The following TMEM117 variants were observed in gnomAD, a reference collection of about 807,000 sequenced individuals.
The protein encoded by TMEM117 is transmembrane protein 117.
TMEM117 carries 27 observed loss-of-function variants against 52.4 expected under a neutral mutation model. The ratio of observed to expected loss-of-function variants is 0.51; its 90% confidence interval spans 0.38 to 0.71. The LOEUF (loss-of-function observed/expected upper bound fraction) is 0.71. TMEM117 is among the 30% of genes least tolerant of loss of function. The pLI is 0.00. For synonymous variants in TMEM117, 215 were observed against 206.3 expected, an observed-to-expected ratio of 1.04 and a Z score of -0.36; for missense variants, 556 against 630.5, an observed-to-expected ratio of 0.88 and a Z score of 1.26.
chr12:43,936,283 C>A (rs1944951180), intron 2 of TMEM117, among the ~76,000 whole-genome samples: 1 of 151,976 alleles, frequency 6.6e-6, no homozygotes, highest in Admixed American at 6.6e-5. Flanking sequence ...AATGATAGGA[C>A]AATTGATTGA....
intron 3 of TMEM117, among the ~76,000 whole-genome samples, chr12:44,103,015 C>A (rs1254137930): frequency 1.3e-5 from 2 of 151,992 alleles, no homozygotes; most frequent in African/African-American, 2.4e-5. Flanking sequence ...GAGGCCTCCC[C>A]AGCCATGCTG....
rs565005687 is a variant in TMEM117 at position 44,360,833 on chromosome 12, A to G, written c.769-15762A>G. Among the ~76,000 whole-genome samples, 18 of 152,284 alleles carry G rather than the reference A, an allele frequency of 1.2e-4. 1 individual carries two copies. The South Asian group carries it at 3.7e-3, about 32-fold the overall frequency. On this transcript the variant is annotated intron_variant, in intron 6 of 7. Coordinates refer to ENST00000266534, the MANE Select transcript of TMEM117 (RefSeq NM_032256.3). ...AATATTCTTGCTGATCTGAAGTCAC[A>G]TACCCCTTTTTATCTATTGTATGGT...
chr12:44,047,449 T>A (rs1946897554), intron 3 of TMEM117, among the ~76,000 whole-genome samples: 1 of 152,158 alleles, frequency 6.6e-6, no homozygotes, highest in South Asian at 2.1e-4. Context: ...TGGCTTGGAT[T>A]TTTTTGACCA....
intron 2 of TMEM117, among the ~76,000 whole-genome samples, chr12:43,891,367 ATTTTTTT>A (rs772754829): frequency 1.6e-4 from 9 of 57,796 alleles, no homozygotes; most frequent in South Asian, 1.9e-3. Flanking sequence ...TACCTCTTGA[ATTTTTTT>A]TTTTTTTTTT....
At chr12:44,076,344 G>C (rs1373182488) in intron 3 of TMEM117, among the ~76,000 whole-genome samples, 1 of 152,098 alleles carries the variant, frequency 6.6e-6, no homozygotes. Context: ...ATTAATTAAT[G>C]ACAGGAAGAA....
chr12:43,911,881 A>G (rs1944508839), intron 2 of TMEM117, among the ~76,000 whole-genome samples: 1 of 150,146 alleles, frequency 6.7e-6, no homozygotes, highest in Non-Finnish European at 1.5e-5. Context: ...AAATAGGAAC[A>G]CTTTTACACT....
intron 1 of TMEM117, among the ~76,000 whole-genome samples, chr12:43,839,760 T>TG (rs1392579115): frequency 6.6e-6 from 1 of 152,206 alleles, no homozygotes; most frequent in Non-Finnish European, 1.5e-5. Flanking sequence ...GGCCAGTGCC[T>TG]GGCAAAAAAT....
At chr12:44,021,752 T>C (rs1005588938) in intron 3 of TMEM117, among the ~76,000 whole-genome samples, 2 of 152,200 alleles carry the variant, frequency 1.3e-5, no homozygotes, top group African/African-American at 4.8e-5. Flanking sequence ...AACATAGGCA[T>C]GTAAGCCACC....
At chr12:44,334,357 C>G (rs1358048878) in intron 6 of TMEM117, among the ~76,000 whole-genome samples, 6 of 151,906 alleles carry the variant, frequency 3.9e-5, no homozygotes, top group African/African-American at 1.5e-4. Flanking sequence ...AGCATTCATC[C>G]TGGATATCAT....
At chr12:44,156,033 T>C (rs1170204601) in intron 4 of TMEM117, among the ~76,000 whole-genome samples, 2 of 152,086 alleles carry the variant, frequency 1.3e-5, no homozygotes, top group African/African-American at 4.8e-5. Context: ...ATGTTAATCA[T>C]AGCTGATAAG....
At chr12:43,960,488 C>A (rs1260676384) in intron 3 of TMEM117, among the ~76,000 whole-genome samples, 1 of 152,168 alleles carries the variant, frequency 6.6e-6, no homozygotes, top group Non-Finnish European at 1.5e-5. Flanking sequence ...TCCAAATTAT[C>A]ACGAGTTTAG....
intron 5 of TMEM117, among the ~76,000 whole-genome samples, chr12:44,214,813 T>C (rs1192138418): frequency 1.3e-5 from 2 of 152,160 alleles, no homozygotes; most frequent in Non-Finnish European, 2.9e-5. Context: ...GTATTCATGG[T>C]TGTAAAAAAG....
intron 6 of TMEM117, among the ~76,000 whole-genome samples, chr12:44,338,173 C>G (rs1036349254): frequency 5.3e-5 from 8 of 151,988 alleles, no homozygotes; most frequent in Non-Finnish European, 1.2e-4. Flanking sequence ...ACACAATGTC[C>G]TGCTTTAAAT....
intron 3 of TMEM117, among the ~76,000 whole-genome samples, chr12:43,996,096 GC>G (rs1325749981): frequency 6.6e-6 from 1 of 152,170 alleles, no homozygotes; most frequent in Non-Finnish European, 1.5e-5. Flanking sequence ...ACTGTTTCAT[GC>G]TGATTGTAAA....
intron 3 of TMEM117, among the ~76,000 whole-genome samples, chr12:43,960,873 C>A (rs1026829838): frequency 1.3e-5 from 2 of 152,008 alleles, no homozygotes; most frequent in African/African-American, 4.8e-5. Context: ...TTCCTGACAT[C>A]ATCATCATCA....
At chr12:43,930,431 G>C (rs1419051081) in intron 2 of TMEM117, among the ~76,000 whole-genome samples, 1 of 152,122 alleles carries the variant, frequency 6.6e-6, no homozygotes, top group Non-Finnish European at 1.5e-5. Context: ...CTCTGGCCCA[G>C]TGACACTGCC....
intron 2 of TMEM117, among the ~76,000 whole-genome samples, chr12:43,880,781 C>G (rs1009600415): frequency 6.6e-6 from 1 of 152,224 alleles, no homozygotes; most frequent in Non-Finnish European, 1.5e-5. Flanking sequence ...AAACTGTGCT[C>G]TTGCTTGACA....
chr12:44,237,604 C>T (rs1006889228), intron 5 of TMEM117, among the ~76,000 whole-genome samples: 4 of 151,952 alleles, frequency 2.6e-5, no homozygotes, highest in Admixed American at 6.6e-5. Flanking sequence ...GTAATCCCCG[C>T]TACTTGGGAG....
chr12:43,969,887 C>T (rs935332474), intron 3 of TMEM117, among the ~76,000 whole-genome samples: 2 of 152,168 alleles, frequency 1.3e-5, no homozygotes, highest in African/African-American at 2.4e-5. Flanking sequence ...ATTCACTCTC[C>T]TCCTCTCTTT....
Sources: allele counts gnomAD v4.1 joint callset (sites outside exome capture counted in the v4.1 genomes callset), GRCh38; gene constraint gnomAD v4.1.1; transcripts MANE v1.5; gene names NCBI Gene and HGNC (gene_info 2026-07-23, HGNC 2026-07-21).